Variants in CREB5 observed in about 807,000 individuals in gnomAD.
CREB5 encodes cyclic AMP-responsive element-binding protein 5.
Under a neutral mutation model 57.1 loss-of-function variants are expected in CREB5, and 19 were observed. That is an observed-to-expected ratio of 0.33 (90% CI 0.23 to 0.49). CREB5 has a LOEUF of 0.49. Ranked by LOEUF, CREB5 falls within the 20% of genes least tolerant of loss-of-function variation. The pLI is 0.99. For synonymous variants in CREB5, 238 were observed against 238.3 expected, an observed-to-expected ratio of 1.00 and a Z score of 0.01; for missense variants, 579 against 671.6, an observed-to-expected ratio of 0.86 and a Z score of 1.52.
At chr7:28,727,554 C>G (rs1224628724) in intron 7 of CREB5, among the ~76,000 whole-genome samples, 3 of 152,196 alleles carry the variant, frequency 2.0e-5, no homozygotes, top group African/African-American at 7.2e-5. Context: ...TTATGGTGTT[C>G]TCAGAGTTAT....
chr7:28,359,160 T>A, intron 1 of CREB5, among the ~76,000 whole-genome samples: 1 of 139,092 alleles, frequency 7.2e-6, no homozygotes, highest in African/African-American at 2.7e-5. Context: ...AAGAAAAAAA[T>A]CCCAAACCCA....
At chr7:28,320,012 C>G (rs963903480) in intron 1 of CREB5, among the ~76,000 whole-genome samples, 2 of 152,040 alleles carry the variant, frequency 1.3e-5, no homozygotes, top group Admixed American at 1.3e-4. Context: ...CTCACTGCAA[C>G]CTCTGCCTCC....
At chr7:28,326,662 C>T (rs929771282) in intron 1 of CREB5, among the ~76,000 whole-genome samples, 2 of 152,138 alleles carry the variant, frequency 1.3e-5, no homozygotes, top group Non-Finnish European at 2.9e-5. Flanking sequence ...TACCCTAGAC[C>T]TTGTGTCTCT....
At chr7:28,718,660 CAT>C in intron 5 of CREB5, 91 bp from the exon 6 acceptor site, 4 of 1,534,968 alleles carry the variant, frequency 2.6e-6, no homozygotes, top group Non-Finnish European at 3.5e-6. Flanking sequence ...ATCTGCTGCA[CAT>C]GTGACATTGT....
intron 1 of CREB5, among the ~76,000 whole-genome samples, chr7:28,458,895 A>C (rs1790227559): frequency 6.6e-6 from 1 of 152,228 alleles, no homozygotes; most frequent in African/African-American, 2.4e-5. Flanking sequence ...GCGAGAAGCC[A>C]AGGCTTTGCA....
chr7:28,605,842 T>A (rs1481757548), intron 5 of CREB5, among the ~76,000 whole-genome samples: 1 of 152,100 alleles, frequency 6.6e-6, no homozygotes, highest in African/African-American at 2.4e-5. Flanking sequence ...TGTTTTCTAG[T>A]GACAGAGGCA....
At chr7:28,530,891 C>T (rs541142151) in intron 4 of CREB5, among the ~76,000 whole-genome samples, 15 of 152,218 alleles carry the variant, frequency 9.9e-5, no homozygotes, top group Admixed American at 2.6e-4. Context: ...AGATCTTCTG[C>T]GGGAAAAATA....
chr7:28,819,328 G>A lies in CREB5; in HGVS notation c.*49G>A, dbSNP rs555503494. ...CAAGAAGAGCTGTAGCGTACCATGC[G>A]TCCTTTCTTTTAAGGGCATTTTTAG... On this transcript the variant is annotated 3_prime_UTR_variant, in exon 11 of 11. Coordinates refer to ENST00000357727, the MANE Select transcript of CREB5 (RefSeq NM_182898.4). The A allele has an allele frequency of 2.7e-5, 42 of 1,553,492 alleles. No individual in the cohort carries two copies. Among genetic ancestry groups the A allele is most frequent in the African/African-American group, 4.1e-5 (3 of 72,888 alleles).
chr7:28,712,825 C>T (rs1308866591), intron 5 of CREB5, among the ~76,000 whole-genome samples: 1 of 151,968 alleles, frequency 6.6e-6, no homozygotes, highest in Non-Finnish European at 1.5e-5. Flanking sequence ...TGAACCACTG[C>T]ACCTGGCCAA....
rs189648122 is a variant in CREB5 at position 28,768,844 on chromosome 7, A to G, written c.703-35355A>G. Among the ~76,000 whole-genome samples the G allele has an allele frequency of 1.3e-3, 199 of 152,328 alleles. 1 individual carries two copies. Among genetic ancestry groups the G allele is most frequent in the African/African-American group, 4.6e-3 (190 of 41,572 alleles). On this transcript the variant is annotated intron_variant, in intron 7 of 10. Coordinates refer to ENST00000357727, the MANE Select transcript of CREB5 (RefSeq NM_182898.4). The stretch of plus-strand genomic sequence containing the variant: ...GTTGGCCATCTTCCCAGAAGGAGGT[A>G]GTTTCATCTAGTTGATTAGATCTGA...
chr7:28,674,112 T>C (rs77101866), intron 5 of CREB5, among the ~76,000 whole-genome samples: 1 of 129,498 alleles, frequency 7.7e-6, no homozygotes, highest in South Asian at 2.5e-4. Context: ...CTCACGCAGA[T>C]TTTTTTTTTA....
intron 7 of CREB5, among the ~76,000 whole-genome samples, chr7:28,769,965 G>A (rs1806232030): frequency 6.6e-6 from 1 of 152,198 alleles, no homozygotes; most frequent in East Asian, 1.9e-4. Flanking sequence ...AACTGGGATG[G>A]TTCTTGGCAA....
At chr7:28,497,529 T>C (rs1792107886) in intron 3 of CREB5, among the ~76,000 whole-genome samples, 1 of 152,128 alleles carries the variant, frequency 6.6e-6, no homozygotes, top group African/African-American at 2.4e-5. Flanking sequence ...TATGTTGAGG[T>C]TGGTGTTGAG....
At chr7:28,706,972 G>A (rs1282512425) in intron 5 of CREB5, among the ~76,000 whole-genome samples, 1 of 152,110 alleles carries the variant, frequency 6.6e-6, no homozygotes, top group African/African-American at 2.4e-5. Flanking sequence ...ACCTCTGTGG[G>A]GCTCCTATTG....
chr7:28,574,034 A>C (rs925924372), intron 5 of CREB5, among the ~76,000 whole-genome samples: 8 of 152,208 alleles, frequency 5.3e-5, no homozygotes, highest in Non-Finnish European at 1.2e-4. Context: ...AGAAAAACAC[A>C]CAGCTATGGA....
In CREB5 at chr7:28,435,280, CT is replaced by C. The variant is rs1340113869; in HGVS notation, c.3+22365del. Among the ~76,000 whole-genome samples, 5 of 151,874 alleles carry C rather than the reference CT, an allele frequency of 3.3e-5. No individual in the cohort carries two copies. In the East Asian group the frequency reaches 9.7e-4, roughly 29 times the overall value. ...AGGAGGGGGGTGGATCGTTAAAAGC[CT>C]TGTGTGGGCTTGTGAAAATTCAGTG... On this transcript the variant is annotated intron_variant, in intron 1 of 10. Coordinates refer to ENST00000357727, the MANE Select transcript of CREB5 (RefSeq NM_182898.4).
At position 28,822,589 on chromosome 7, in the gene CREB5, CTG is replaced by C. The variant is rs2128811560; in HGVS notation, c.*3311_*3312del. On this transcript the variant is annotated 3_prime_UTR_variant, in exon 11 of 11. Coordinates refer to ENST00000357727, the MANE Select transcript of CREB5 (RefSeq NM_182898.4). ...TTTTCTTGATCGGTGAGATCTGTCT[CTG>C]AAGTCACTGCCAGCCTCCCTGGGAA... is the stretch of plus-strand genomic sequence containing the variant. 6.5e-6 allele frequency: 1 copy of C among 152,838 alleles called. No individual in the cohort carries two copies. Among genetic ancestry groups the C allele is most frequent in the African/African-American group, 2.4e-5 (1 of 41,572 alleles). The allele number at this position is 152,838 out of a possible 1,614,324, so 9.5% of individuals were successfully genotyped here. A position where few individuals can be genotyped will look rare whatever the true frequency, so the allele number is the denominator to read the frequency against.
intron 1 of CREB5, among the ~76,000 whole-genome samples, chr7:28,310,379 T>G (rs1785255021): frequency 6.6e-6 from 1 of 152,174 alleles, no homozygotes; most frequent in African/African-American, 2.4e-5. Flanking sequence ...TGTCTGTTGG[T>G]GTTTGGTGTA....
rs747066542 is a variant in CREB5 at position 28,674,653 on chromosome 7, C to T, written c.465-44100C>T. On this transcript the variant is annotated intron_variant, in intron 5 of 10. Coordinates refer to ENST00000357727, the MANE Select transcript of CREB5 (RefSeq NM_182898.4). ...TGTATGTCCAAAACAAAACTCTGGA[C>T]GTTTTCAAACCACATGTGATCACAG... Among the ~76,000 whole-genome samples, 98 of 152,216 alleles carry T rather than the reference C, an allele frequency of 6.4e-4. 1 individual carries two copies. The highest frequency in any genetic ancestry group is 2.3e-3 in the Admixed American group (35 of 15,284).
Sources: allele counts gnomAD v4.1 joint callset (sites outside exome capture counted in the v4.1 genomes callset), GRCh38; gene constraint gnomAD v4.1.1; transcripts MANE v1.5; gene names NCBI Gene and HGNC (gene_info 2026-07-23, HGNC 2026-07-21).